ABCA8: variants seen among roughly 807,000 people sequenced by gnomAD.
The protein encoded by ABCA8 is ATP binding cassette subfamily A member 8, also known as ABC-type organic anion transporter ABCA8.
Under a neutral mutation model 192.3 loss-of-function variants are expected in ABCA8, and 177 were observed. The ratio of observed to expected loss-of-function variants is 0.92; its 90% CI spans 0.81 to 1.04. The LOEUF is 1.04. Ranked by LOEUF, ABCA8 falls within the 50% of genes least tolerant of loss-of-function variation. The pLI is 0.00. For missense variants in ABCA8, 1,915 were observed against 1,904.8 expected, an observed-to-expected ratio of 1.01 and a Z score of -0.10; for synonymous variants, 642 against 690.2, an observed-to-expected ratio of 0.93 and a Z score of 1.09.
chr17:68,895,265 G>T (rs1352356870), intron 21 of ABCA8, among the ~76,000 whole-genome samples: 1 of 151,922 alleles, frequency 6.6e-6, no homozygotes, highest in Non-Finnish European at 1.5e-5. Context: ...TTAGAATCTT[G>T]CAATGAATGT....
chr17:68,933,047 CAG>C, intron 6 of ABCA8, 119 bp downstream of exon 6: 1 of 724,068 alleles, frequency 1.4e-6, no homozygotes, highest in East Asian at 2.5e-5. Context: ...CAGTAAACTT[CAG>C]AGTGAGCAAA....
Position 68,882,680 on chromosome 17 carries a change from T to G in ABCA8, c.3747A>C (p.Glu1249Asp). The G allele has an allele frequency of 6.2e-7, 1 of 1,613,040 alleles. No individual in the cohort carries two copies. Among genetic ancestry groups the G allele is most frequent in the Non-Finnish European group, 8.5e-7 (1 of 1,179,508 alleles). Residue 1249 changes from glutamate (E) to aspartate (D), a missense_variant, in exon 30 of 40, where the codon GAA becomes GAC. Coordinates refer to ENST00000586539, the MANE Select transcript of ABCA8 (RefSeq NM_001288985.2). ...CATCTTCATCCTCTCCTTCTGGTTC[T>G]TCTGGATTTTGACACACATCACTAC... Reference protein sequence around the residue: ...PRSSDVCQNPEEPEGEDEDVQ... With the variant: ...PRSSDVCQNPDEPEGEDEDVQ...
At position 68,868,183 on chromosome 17, in the gene ABCA8, C is replaced by G. The variant is rs143577608; in HGVS notation, c.4768G>C (p.Val1590Leu). 6.2e-7 allele frequency: 1 copy of G among 1,612,582 alleles called. No individual in the cohort carries two copies. The highest frequency in any genetic ancestry group is 8.5e-7 in the Non-Finnish European group (1 of 1,179,338). ...YSLSQSTLEQ[V>L]FLELSKEQEL... Reference sequence around the variant, plus strand: ...TGCTCCTTGGAGAGCTCCAGGAAAACCTGAAAGGGAGGAAGGAAATAAAGA... The same window carrying G: ...TGCTCCTTGGAGAGCTCCAGGAAAAGCTGAAAGGGAGGAAGGAAATAAAGA... Residue 1590 changes from valine (V) to leucine (L), a missense_variant and splice_region_variant, in exon 40 of 40, where the codon GTT becomes CTT. Coordinates refer to ENST00000586539, the MANE Select transcript of ABCA8 (RefSeq NM_001288985.2).
intron 2 of ABCA8, among the ~76,000 whole-genome samples, chr17:68,943,621 A>G (rs1293557298): frequency 6.6e-6 from 1 of 152,210 alleles, no homozygotes; most frequent in Non-Finnish European, 1.5e-5. Context: ...ACAGGTAACT[A>G]GGTAAACTAA....
chr17:68,946,208 C>T (rs534673769), intron 2 of ABCA8, among the ~76,000 whole-genome samples: 78 of 152,072 alleles, frequency 5.1e-4, no homozygotes, highest in African/African-American at 1.8e-3. Flanking sequence ...GCAGGGACTA[C>T]AGGCGCCCAC....
At chr17:68,918,569 G>T (rs2067447659) in intron 14 of ABCA8, 23 bp from the exon 15 acceptor site, 1 of 1,459,936 alleles carries the variant, frequency 6.8e-7, no homozygotes, top group Non-Finnish European at 9.0e-7. Flanking sequence ...CAGTATTTAT[G>T]TCATACACCA....
rs201454634 is a variant in ABCA8 at position 68,894,166 on chromosome 17, T to C, written c.3036+7A>G. The C allele has an allele frequency of 5.5e-5, 89 of 1,612,660 alleles. 1 individual carries two copies. In the Middle Eastern group the frequency reaches 1.3e-3, roughly 24 times the overall value. On this transcript the variant is annotated splice_region_variant and intron_variant, in intron 23 of 39. Coordinates refer to ENST00000586539, the MANE Select transcript of ABCA8 (RefSeq NM_001288985.2). ...GAGTCAGGAATTGTAAGATTATATA[T>C]ATTTACCTCCAAAAATGTACTTCTT... is the stretch of plus-strand genomic sequence containing the variant.
Position 68,936,986 on chromosome 17 carries a change from C to T in ABCA8, c.431G>A (p.Gly144Glu). The change falls in exon 5 of 40, where the codon GGA (glycine) becomes GAA (glutamate). Residue 144 changes from glycine to glutamate, a missense_variant. By Grantham distance (98) the Gly-to-Glu change is moderately conservative. Coordinates refer to ENST00000586539, the MANE Select transcript of ABCA8 (RefSeq NM_001288985.2). ...SYHLKFLLGH[G>E]MPAKKEHKDH... The stretch of plus-strand genomic sequence containing the variant: ...CTTGTGCTCCTTCTTTGCTGGCATT[C>T]CATGTCCTAGCAAGAACTTCAAATG... 6.2e-7 allele frequency: 1 copy of T among 1,604,824 alleles called. No individual in the cohort carries two copies. The highest frequency in any genetic ancestry group is 8.5e-7 in the Non-Finnish European group (1 of 1,176,746).
chr17:68,933,129 GCATTAAA>G (rs926746394), intron 6 of ABCA8, 32 bp downstream of exon 6: 3 of 1,358,462 alleles, frequency 2.2e-6, no homozygotes, highest in Non-Finnish European at 3.1e-6. Context: ...TCATTAACTT[GCATTAAA>G]CATTAGTTTG....
Position 68,941,992 on chromosome 17 carries a change from A to T in ABCA8, c.43T>A (p.Leu15Ile), listed in dbSNP as rs1204705334. ...KISVCQQTWA[L>I]LCKNFLKKWR... ...TTTTTAAGAAAGTTCTTGCATAATAAGGCCCAAGTTTGTTGACACACACTG... is the reference window on the plus strand; with the variant it reads ...TTTTTAAGAAAGTTCTTGCATAATATGGCCCAAGTTTGTTGACACACACTG... Residue 15 changes from leucine to isoleucine, a missense_variant, in exon 3 of 40, where the codon TTA becomes ATA. Transcript: ENST00000586539. 1 of 1,613,310 alleles carries T rather than the reference A, an allele frequency of 6.2e-7. No homozygotes were observed. Among genetic ancestry groups the T allele is most frequent in the African/African-American group, 1.3e-5 (1 of 74,886 alleles).
intron 10 of ABCA8, among the ~76,000 whole-genome samples, chr17:68,927,027 G>A (rs779396770): frequency 1.3e-5 from 2 of 152,092 alleles, no homozygotes; most frequent in South Asian, 2.1e-4. Context: ...AGGCCGAGGC[G>A]GGTGGATTAC....
At chr17:68,930,230 A>G (rs1165241985) in intron 7 of ABCA8, among the ~76,000 whole-genome samples, 1 of 152,190 alleles carries the variant, frequency 6.6e-6, no homozygotes, top group African/African-American at 2.4e-5. Flanking sequence ...AGTCTCTCCA[A>G]GTTCAGGACC....
chr17:68,878,703 T>C (rs986456559), intron 32 of ABCA8: 4 of 152,234 alleles, frequency 2.6e-5, no homozygotes, highest in East Asian at 1.9e-4. Context: ...ATACTGACTT[T>C]GGGCCCAGGT....
At chr17:68,877,841 G>T in intron 32 of ABCA8, 162 bp from the exon 33 acceptor site, 1 of 667,204 alleles carries the variant, frequency 1.5e-6, no homozygotes, top group Non-Finnish European at 2.3e-6. Context: ...GGTTGTCAGA[G>T]AGCAAATACA....
At position 68,924,789 on chromosome 17, in the gene ABCA8, C is replaced by A; in HGVS notation, c.1354G>T (p.Ala452Ser). ...WSQTQKTDHV[A>S]LEDEMDADPS... ...TCGGCATCCATTTCATCTTCAAGGGCCACGTGATCAGTCTTTTGTGTTTGA... is the reference window on the plus strand; with the variant it reads ...TCGGCATCCATTTCATCTTCAAGGGACACGTGATCAGTCTTTTGTGTTTGA... Residue 452 changes from alanine (A) to serine (S), a missense_variant, in exon 11 of 40, where the codon GCC becomes TCC. Coordinates refer to ENST00000586539, the MANE Select transcript of ABCA8 (RefSeq NM_001288985.2). The A allele has an allele frequency of 6.2e-7, 1 of 1,614,020 alleles. No individual in the cohort carries two copies.
chr17:68,912,748 A>C (rs2067253167), intron 17 of ABCA8, among the ~76,000 whole-genome samples: 1 of 152,224 alleles, frequency 6.6e-6, no homozygotes, highest in African/African-American at 2.4e-5. Context: ...TATGTAATGC[A>C]AATGTTATTA....
chr17:68,921,547 T>G, intron 12 of ABCA8, 55 bp from the exon 13 acceptor site: 1 of 1,145,590 alleles, frequency 8.7e-7, no homozygotes, highest in Non-Finnish European at 1.3e-6. Flanking sequence ...GGAAAACAAT[T>G]AAAACCACAA....
chr17:68,896,005 G>T (rs1452482128), intron 21 of ABCA8, among the ~76,000 whole-genome samples: 4 of 152,102 alleles, frequency 2.6e-5, no homozygotes, highest in Non-Finnish European at 5.9e-5. Context: ...CAAATCAGGG[G>T]TTCCACACCA....
chr17:68,875,138 C>T, intron 37 of ABCA8, 122 bp downstream of exon 37: 1 of 1,375,188 alleles, frequency 7.3e-7, no homozygotes. Context: ...AGTTTACTTC[C>T]TGCAGAATCC....
Sources: allele counts gnomAD v4.1 joint callset (sites outside exome capture counted in the v4.1 genomes callset), GRCh38; gene constraint gnomAD v4.1.1; transcripts MANE v1.5; gene names NCBI Gene and HGNC (gene_info 2026-07-23, HGNC 2026-07-21).